Variants in CNOT2 observed in about 807,000 individuals in gnomAD.
CNOT2 encodes the protein CCR4-NOT transcription complex subunit 2.
In CNOT2, 7 loss-of-function variants were observed where a neutral mutation model predicts 72.1. The ratio of observed to expected loss-of-function variants is 0.10; its 90% confidence interval spans 0.06 to 0.18. The LOEUF is 0.18. Ranked by LOEUF, CNOT2 falls within the 10% of genes least tolerant of loss-of-function variation. The pLI is 1.00. For missense variants in CNOT2, 345 were observed against 660.3 expected (o/e 0.52, Z 5.23); for synonymous variants, 196 against 225.6 (o/e 0.87, Z 1.17).
intron 1 of CNOT2, chr12:70,244,303 C>G (rs1387569965): frequency 6.6e-6 from 1 of 152,164 alleles, no homozygotes; most frequent in African/African-American, 2.4e-5. Flanking sequence ...TCCGCAGGGG[C>G]CTCTCCACCT....
intron 2 of CNOT2, among the ~76,000 whole-genome samples, chr12:70,300,093 G>A (rs1169059410): frequency 6.6e-6 from 1 of 151,828 alleles, no homozygotes; most frequent in Non-Finnish European, 1.5e-5. Flanking sequence ...TAAATTTGTT[G>A]GAGTTCATTG....
At chr12:70,317,291 C>T (rs534638497) in intron 3 of CNOT2, among the ~76,000 whole-genome samples, 21 of 152,120 alleles carry the variant, frequency 1.4e-4, no homozygotes, top group African/African-American at 1.2e-4. Flanking sequence ...TTCCAGGATA[C>T]GTGCGCACAA....
chr12:70,300,493 T>A (rs1873727740), intron 2 of CNOT2, among the ~76,000 whole-genome samples: 1 of 152,254 alleles, frequency 6.6e-6, no homozygotes, highest in South Asian at 2.1e-4. Context: ...TCCCCATTGC[T>A]TGTTTTTGTC....
chr12:70,350,863 A>G (rs191023077), intron 15 of CNOT2, among the ~76,000 whole-genome samples: 1 of 152,162 alleles, frequency 6.6e-6, no homozygotes. Context: ...CTGACATTTC[A>G]TGAGAATTTG....
intron 4 of CNOT2, among the ~76,000 whole-genome samples, chr12:70,325,062 A>G (rs562998880): frequency 6.6e-6 from 1 of 152,042 alleles, no homozygotes; most frequent in South Asian, 2.1e-4. Context: ...CCTTGGTCAT[A>G]GCACTTATTT....
At chr12:70,324,657 C>T (rs720653) in intron 4 of CNOT2, among the ~76,000 whole-genome samples, 32,753 of 151,588 alleles carry the variant, frequency 0.22, 4,013 homozygotes, top group African/African-American at 0.33. Flanking sequence ...TCTAAAGATC[C>T]AGCCAGATGT....
Position 70,309,045 on chromosome 12 carries a change from C to A in CNOT2, c.49-1850C>A, listed in dbSNP as rs548127091. Among the ~76,000 whole-genome samples, 15 of 152,232 alleles carry A rather than the reference C, an allele frequency of 9.9e-5. No homozygotes were observed. In the South Asian group the frequency reaches 2.9e-3, roughly 29 times the overall value. On this transcript the variant is annotated intron_variant, in intron 2 of 15. Transcript: ENST00000229195. ...CTTATGTGTAGTGAATCTTAATTTG[C>A]AAGCTCTAAAGTGATTTTTTGCCAC...
intron 1 of CNOT2, among the ~76,000 whole-genome samples, chr12:70,269,605 A>C (rs914061029): frequency 6.6e-6 from 1 of 152,212 alleles, no homozygotes; most frequent in African/African-American, 2.4e-5. Context: ...ATGAATATAA[A>C]TGATAATTTG....
intron 4 of CNOT2, 70 bp from the exon 5 acceptor site, chr12:70,329,350 CCAA>C (rs1286153491): frequency 5.5e-6 from 7 of 1,265,490 alleles, no homozygotes; most frequent in Non-Finnish European, 8.0e-6. Context: ...TCTTAAATCG[CCAA>C]CTCCAGAAGA....
At chr12:70,310,690 T>C (rs559740971) in intron 2 of CNOT2, among the ~76,000 whole-genome samples, 18 of 152,240 alleles carry the variant, frequency 1.2e-4, no homozygotes, top group Non-Finnish European at 2.2e-4. Flanking sequence ...GTGATTCTCC[T>C]ACTTTTAGGG....
intron 4 of CNOT2, among the ~76,000 whole-genome samples, chr12:70,325,014 C>G (rs7137944): frequency 1.1e-4 from 16 of 151,908 alleles, no homozygotes; most frequent in African/African-American, 3.9e-4. Context: ...GTCCCTCCTA[C>G]AAGCAGTCAA....
intron 1 of CNOT2, among the ~76,000 whole-genome samples, chr12:70,250,159 C>CA: frequency 6.6e-6 from 1 of 152,164 alleles, no homozygotes; most frequent in Middle Eastern, 3.4e-3. Context: ...AATTGTAATC[C>CA]AATGCTTAAA....
At chr12:70,341,601 A>G (rs1333712958) in intron 11 of CNOT2, among the ~76,000 whole-genome samples, 2 of 152,164 alleles carry the variant, frequency 1.3e-5, no homozygotes, top group Non-Finnish European at 2.9e-5. Context: ...TCATGTTGTC[A>G]GTGATCTTGT....
chr12:70,303,029 G>A (rs534066542), intron 2 of CNOT2, among the ~76,000 whole-genome samples: 2,296 of 152,196 alleles, frequency 0.015, 20 homozygotes, highest in African/African-American at 0.052. Context: ...TCAGAGACTA[G>A]GATTGCAACC....
Position 70,316,845 on chromosome 12 carries a change from C to T in CNOT2, c.172-2453C>T, listed in dbSNP as rs73324119. On this transcript the variant is annotated intron_variant, in intron 3 of 15. Transcript: ENST00000229195. ...CCATTTTGAGAGGGCAGGTAGATAC[C>T]CAGGCATATCTGTAACTCATGGATG... 4.0e-3 allele frequency among the ~76,000 whole-genome samples: 615 copies of T among 152,174 alleles called. 3 individuals are homozygous for T. Among genetic ancestry groups the T allele is most frequent in the African/African-American group, 0.014 (562 of 41,540 alleles).
intron 1 of CNOT2, among the ~76,000 whole-genome samples, chr12:70,276,827 T>C (rs1868899699): frequency 6.6e-6 from 1 of 152,052 alleles, no homozygotes; most frequent in Non-Finnish European, 1.5e-5. Flanking sequence ...AAACGTACAC[T>C]GTAAGATAGT....
At chr12:70,270,009 T>C (rs1345513585) in intron 1 of CNOT2, among the ~76,000 whole-genome samples, 1 of 152,216 alleles carries the variant, frequency 6.6e-6, no homozygotes, top group African/African-American at 2.4e-5. Context: ...GTGTTAATTA[T>C]AATTAGTGCT....
In CNOT2 at chr12:70,353,953, T is replaced by TG; in HGVS notation, c.*42dup. The TG allele has an allele frequency of 6.4e-7, 1 of 1,556,952 alleles. No homozygotes were observed. Among genetic ancestry groups the TG allele is most frequent in the Non-Finnish European group, 8.6e-7 (1 of 1,157,232 alleles). On this transcript the variant is annotated 3_prime_UTR_variant, in exon 16 of 16. Transcript: ENST00000229195. ...AAAAAAAAAAAGACTTCCCTTTTCT[T>TG]GGGGTATGGCTGTCTCAGCACAATA...
At chr12:70,274,206 A>T (rs1417182631) in intron 1 of CNOT2, among the ~76,000 whole-genome samples, 2 of 152,194 alleles carry the variant, frequency 1.3e-5, no homozygotes, top group Admixed American at 6.5e-5. Context: ...CATCCATGTG[A>T]TCAAGCAAAA....
Sources: gnomAD v4.1 joint callset for allele counts (sites outside exome capture counted in the v4.1 genomes callset) on GRCh38, gnomAD v4.1.1 for gene constraint, MANE v1.5 for transcripts, NCBI Gene and HGNC (gene_info 2026-07-23, HGNC 2026-07-21) for gene names.